The following APBB1IP variants were observed in gnomAD, a reference collection of about 807,000 sequenced individuals.
The protein encoded by APBB1IP is amyloid beta precursor protein binding family B member 1 interacting protein, also known as amyloid beta A4 precursor protein-binding family B member 1-interacting protein.
A neutral mutation model predicts 64.9 loss-of-function variants in APBB1IP; 27 were observed. That is an observed-to-expected ratio of 0.42 (90% CI 0.31 to 0.57). The LOEUF (loss-of-function observed/expected upper bound fraction) is 0.57. APBB1IP is among the 20% of genes least tolerant of loss of function. The pLI is 0.20. For missense variants in APBB1IP, 812 were observed against 845.5 expected (o/e 0.96, Z 0.49); for synonymous variants, 392 against 331.0 (o/e 1.18, Z -2.00).
At chr10:26,491,350 T>C (rs1835952653) in intron 2 of APBB1IP, among the ~76,000 whole-genome samples, 1 of 152,150 alleles carries the variant, frequency 6.6e-6, no homozygotes, top group Non-Finnish European at 1.5e-5. Context: ...AGCAAATTCC[T>C]CATGTTACAG....
intron 2 of APBB1IP, among the ~76,000 whole-genome samples, chr10:26,442,232 G>C (rs1589186568): frequency 6.6e-6 from 1 of 152,164 alleles, no homozygotes; most frequent in Non-Finnish European, 1.5e-5. Flanking sequence ...AGAACTTATC[G>C]TGTTATCATG....
intron 11 of APBB1IP, among the ~76,000 whole-genome samples, chr10:26,543,319 TA>T (rs1836719649): frequency 6.6e-6 from 1 of 151,610 alleles, no homozygotes; most frequent in African/African-American, 2.4e-5. Context: ...ATACAAACAG[TA>T]GCTGGGCGTG....
chr10:26,567,697 C>T lies in APBB1IP; in HGVS notation c.*209C>T, dbSNP rs764907328. The T allele has an allele frequency of 2.5e-6, 3 of 1,216,370 alleles. No homozygotes were observed. The highest frequency in any genetic ancestry group is 3.2e-6 in the Non-Finnish European group (3 of 941,782). 75.3% of individuals were successfully genotyped at this position (1,216,370 alleles called of 1,614,324 possible). A position where few individuals can be genotyped will look rare whatever the true frequency, so the allele number is the denominator to read the frequency against. ...ACATATCGTTCCCATGTATTTTAAC[C>T]TAAATGGAATGTATCTTCCCTTCCA... is the stretch of plus-strand genomic sequence containing the variant. On this transcript the variant is annotated 3_prime_UTR_variant, in exon 15 of 15. Transcript: ENST00000376236.
Position 26,503,285 on chromosome 10 carries a change from A to G in APBB1IP, c.531+11A>G, listed in dbSNP as rs1836129525. 6.2e-7 allele frequency: 1 copy of G among 1,613,888 alleles called. No homozygotes were observed. Among genetic ancestry groups the G allele is most frequent in the Non-Finnish European group, 8.5e-7 (1 of 1,179,846 alleles). On this transcript the variant is annotated intron_variant, in intron 6 of 14. Transcript: ENST00000376236. ...GCCAAGGTTAAGAAGGTGAATCATG[A>G]ATCCCTTTTGCATGGGGGCAGTTCA...
At chr10:26,520,429 A>T (rs982018880) in intron 8 of APBB1IP, among the ~76,000 whole-genome samples, 1 of 152,236 alleles carries the variant, frequency 6.6e-6, no homozygotes, top group African/African-American at 2.4e-5. Context: ...TTTCTGGAAA[A>T]TTATCAAACT....
intron 2 of APBB1IP, among the ~76,000 whole-genome samples, chr10:26,447,374 C>CAAAA (rs55948326): frequency 1.3e-3 from 70 of 54,782 alleles, no homozygotes; most frequent in East Asian, 2.0e-3. Flanking sequence ...GACTCCGTCT[C>CAAAA]AAAAAAAAAA....
At chr10:26,562,549 C>T (rs1487873622) in intron 14 of APBB1IP, 120 bp downstream of exon 14, 2 of 781,946 alleles carry the variant, frequency 2.6e-6, no homozygotes, top group Non-Finnish European at 4.1e-6. Flanking sequence ...CCTGTAATCC[C>T]AGAACTTTGG....
Position 26,492,450 on chromosome 10 carries a change from A to T in APBB1IP, c.72+52A>T, listed in dbSNP as rs770529227. The T allele has an allele frequency of 3.2e-6, 5 of 1,542,100 alleles. No individual in the cohort carries two copies. In the Admixed American group the frequency reaches 8.5e-5, roughly 26 times the overall value. On this transcript the variant is annotated intron_variant, in intron 3 of 14. Transcript: ENST00000376236. ...TTGGAAAACAAAAATAGAGTTGCAG[A>T]ATTTCATTGTAATATGACAAGGGAG... is the stretch of plus-strand genomic sequence containing the variant.
rs199637469 is a variant in APBB1IP at position 26,489,378 on chromosome 10, TTAAAA to T, written c.1-2946_1-2942del. The stretch of plus-strand genomic sequence containing the variant: ...GGAGAAGAAAATAATTTTTTTCTTC[TTAAAA>T]TAGGGAGAAGGGGAAATATACGATG... On this transcript the variant is annotated intron_variant, in intron 2 of 14. Transcript: ENST00000376236. 6.0e-3 allele frequency among the ~76,000 whole-genome samples: 921 copies of T among 152,278 alleles called. 6 individuals carry two copies. The highest frequency in any genetic ancestry group is 0.021 in the African/African-American group (881 of 41,560).
intron 4 of APBB1IP, among the ~76,000 whole-genome samples, chr10:26,500,502 G>A (rs1461980812): frequency 6.6e-6 from 1 of 152,102 alleles, no homozygotes; most frequent in Non-Finnish European, 1.5e-5. Context: ...TTCCTACTTA[G>A]GCATCTATTC....
chr10:26,516,939 G>T (rs1289037662), intron 8 of APBB1IP, among the ~76,000 whole-genome samples: 1 of 152,152 alleles, frequency 6.6e-6, no homozygotes, highest in Non-Finnish European at 1.5e-5. Flanking sequence ...GGGTTCCTTT[G>T]TTGAGTATAT....
chr10:26,438,416 G>A lies in APBB1IP; in HGVS notation c.-242G>A, dbSNP rs1272982793. On this transcript the variant is annotated 5_prime_UTR_variant, in exon 1 of 15. Coordinates refer to ENST00000376236, the MANE Select transcript of APBB1IP (RefSeq NM_019043.4). ...TCGAGGCTGCAAAATGGTTCCATTC[G>A]CCAGGAGACGCTCCTGAGAGAAGGG... 1 of 152,016 alleles carries A rather than the reference G, an allele frequency of 6.6e-6. No individual in the cohort carries two copies. Among genetic ancestry groups the A allele is most frequent in the African/African-American group, 2.4e-5 (1 of 41,348 alleles). 9.4% of individuals were successfully genotyped at this position (152,016 alleles called of 1,614,324 possible).
chr10:26,541,825 G>T, intron 11 of APBB1IP, 133 bp downstream of exon 11: 1 of 577,590 alleles, frequency 1.7e-6, no homozygotes, highest in Non-Finnish European at 2.9e-6. Flanking sequence ...TAGGAATGAG[G>T]GAAACATTTC....
At chr10:26,548,976 G>A (rs575873243) in intron 11 of APBB1IP, among the ~76,000 whole-genome samples, 1 of 152,250 alleles carries the variant, frequency 6.6e-6, no homozygotes, top group South Asian at 2.1e-4. Flanking sequence ...TTGGCTGTGG[G>A]TTTAACATAT....
chr10:26,454,165 G>A (rs916730911), intron 2 of APBB1IP, among the ~76,000 whole-genome samples: 2 of 152,240 alleles, frequency 1.3e-5, no homozygotes, highest in African/African-American at 4.8e-5. Context: ...AACAGGCCCA[G>A]TGCAGTGGCT....
intron 11 of APBB1IP, among the ~76,000 whole-genome samples, chr10:26,543,636 G>A (rs1021508687): frequency 2.0e-5 from 3 of 152,082 alleles, no homozygotes; most frequent in Admixed American, 2.0e-4. Flanking sequence ...TCCTCATGGA[G>A]TTTACATTCA....
intron 2 of APBB1IP, among the ~76,000 whole-genome samples, chr10:26,479,462 T>A (rs1235802078): frequency 6.6e-6 from 1 of 152,188 alleles, no homozygotes; most frequent in African/African-American, 2.4e-5. Flanking sequence ...TAAAGTGTAT[T>A]TGTTATTAAT....
chr10:26,530,228 C>CTT (rs772571075), intron 8 of APBB1IP, among the ~76,000 whole-genome samples: 5 of 28,940 alleles, frequency 1.7e-4, no homozygotes, highest in Admixed American at 5.3e-4. Context: ...TTTTCTTTTT[C>CTT]TTTTTTTTTT....
chr10:26,507,962 A>G (rs1836204589), intron 6 of APBB1IP, among the ~76,000 whole-genome samples: 1 of 152,226 alleles, frequency 6.6e-6, no homozygotes, highest in South Asian at 2.1e-4. Flanking sequence ...CACACAAAGC[A>G]CAAGCTGCCT....
Sources: allele counts gnomAD v4.1 joint callset (sites outside exome capture counted in the v4.1 genomes callset), GRCh38; gene constraint gnomAD v4.1.1; transcripts MANE v1.5; gene names NCBI Gene and HGNC (gene_info 2026-07-23, HGNC 2026-07-21).